The following TENM1 variants were observed in gnomAD, a reference collection of about 807,000 sequenced individuals.
The protein encoded by TENM1 is teneurin transmembrane protein 1.
A neutral mutation model predicts 174.8 loss-of-function variants in TENM1; 35 were observed. That is an observed-to-expected ratio of 0.20 (90% CI 0.15 to 0.27). The LOEUF (loss-of-function observed/expected upper bound fraction) is 0.27. Ranked by LOEUF, TENM1 falls within the 10% of genes least tolerant of loss-of-function variation. The probability of loss-of-function intolerance (pLI) is 1.00; values close to 1 mark genes in which losing one functional copy is unlikely to be tolerated. For missense variants in TENM1, 1,633 were observed against 2,130.1 expected (o/e 0.77, Z 4.59); for synonymous variants, 781 against 798.7 (o/e 0.98, Z 0.37).
the TENM1 span, among the ~76,000 whole-genome samples, chrX:125,067,893 T>C: frequency 8.9e-6 from 1 of 112,067 alleles, no homozygotes. Context: ...TAAAATTTTC[T>C]ATAAATTCCA....
At chrX:125,155,645 C>A in the TENM1 span, among the ~76,000 whole-genome samples, 1 of 100,756 alleles carries the variant, frequency 9.9e-6, no homozygotes, top group Non-Finnish European at 2.0e-5. Flanking sequence ...TAAGGCCTGG[C>A]GAGAAATCGA....
At chrX:125,187,924 T>C in the TENM1 span, among the ~76,000 whole-genome samples, 3 of 111,604 alleles carry the variant, frequency 2.7e-5, no homozygotes, top group Non-Finnish European at 5.6e-5. Flanking sequence ...GTAAATTATA[T>C]GATTTTCTTC....
chrX:125,055,093 G>A, the TENM1 span, among the ~76,000 whole-genome samples: 1 of 111,558 alleles, frequency 9.0e-6, no homozygotes, highest in Non-Finnish European at 1.9e-5. Context: ...AATACATGAT[G>A]CGATCCTCAT....
chrX:124,852,578 G>C (rs1413188712), intron 3 of TENM1, among the ~76,000 whole-genome samples: 1 of 110,561 alleles, frequency 9.0e-6, no homozygotes. Flanking sequence ...AGAAGAGAGG[G>C]TACTGAATTA....
intron 25 of TENM1, among the ~76,000 whole-genome samples, chrX:124,407,387 G>A (rs2060475467): frequency 8.9e-6 from 1 of 111,829 alleles, no homozygotes; most frequent in Non-Finnish European, 1.9e-5. Flanking sequence ...ACCCATTACT[G>A]TTTTCTTTTC....
intron 3 of TENM1, among the ~76,000 whole-genome samples, chrX:124,742,293 T>C (rs995164223): frequency 9.0e-6 from 1 of 110,986 alleles, no homozygotes; most frequent in African/African-American, 3.3e-5. Context: ...TTCCTGGTCT[T>C]AGTATGTGTT....
rs991770412 is a variant in TENM1, at chrX:124,425,926, T to C, written c.4105-3288A>G. Reference sequence around the variant, plus strand: ...AGGGATTATGGTGCCTGAACTGGGATGGCAACAATGGGTATGGAGAAAAGC... The same window carrying C: ...AGGGATTATGGTGCCTGAACTGGGACGGCAACAATGGGTATGGAGAAAAGC... On this transcript the variant is annotated intron_variant, in intron 23 of 31. Transcript: ENST00000422452. 2.7e-5 allele frequency among the ~76,000 whole-genome samples: 3 copies of C among 110,264 alleles called. No homozygotes were observed. The South Asian group carries it at 1.2e-3, about 44-fold the overall frequency.
chrX:124,590,103 T>C (rs1318813490), intron 11 of TENM1, among the ~76,000 whole-genome samples: 1 of 112,109 alleles, frequency 8.9e-6, no homozygotes, highest in Admixed American at 9.5e-5. Flanking sequence ...TTTGGGTATG[T>C]CCTGTCTCTG....
chrX:125,061,187 G>T, the TENM1 span, among the ~76,000 whole-genome samples: 25 of 111,237 alleles, frequency 2.2e-4, no homozygotes, highest in African/African-American at 7.8e-4. Context: ...GGGGACAATT[G>T]ATATTGATCT....
intron 9 of TENM1, 37 bp downstream of exon 12, chrX:124,646,672 T>C: frequency 9.9e-7 from 1 of 1,007,160 alleles, no homozygotes; most frequent in South Asian, 2.0e-5. Flanking sequence ...ATCACATCTA[T>C]TTTCCTAAAC....
intron 3 of TENM1, among the ~76,000 whole-genome samples, chrX:124,796,376 C>T (rs1453191746): frequency 8.9e-6 from 1 of 111,755 alleles, no homozygotes; most frequent in African/African-American, 3.2e-5. Flanking sequence ...CTGCTTAGAA[C>T]ACATTTTCAT....
chrX:124,909,869 T>G (rs2057808546), intron 1 of TENM1, among the ~76,000 whole-genome samples: 1 of 112,180 alleles, frequency 8.9e-6, no homozygotes, highest in African/African-American at 3.2e-5. Flanking sequence ...TGTTGGGGTA[T>G]TACTTCAGCA....
the TENM1 span, among the ~76,000 whole-genome samples, chrX:125,035,031 T>C: frequency 9.0e-6 from 1 of 111,608 alleles, no homozygotes; most frequent in Non-Finnish European, 1.9e-5. Context: ...ACAAGCACAG[T>C]GTTTGGATAT....
At chrX:125,023,037 A>G in the TENM1 span, among the ~76,000 whole-genome samples, 1 of 111,294 alleles carries the variant, frequency 9.0e-6, no homozygotes, top group Non-Finnish European at 1.9e-5. Context: ...GGAGTACACC[A>G]TTTGGCTAAG....
At chrX:125,196,995 T>C in the TENM1 span, among the ~76,000 whole-genome samples, 5 of 111,483 alleles carry the variant, frequency 4.5e-5, no homozygotes, top group Non-Finnish European at 9.4e-5. Context: ...ATCTGGCACC[T>C]TCTCTTTGAC....
intron 20 of TENM1, among the ~76,000 whole-genome samples, chrX:124,493,916 C>T (rs1569534559): frequency 1.8e-5 from 2 of 111,690 alleles, no homozygotes; most frequent in Non-Finnish European, 3.8e-5. Flanking sequence ...AAGGATTTAA[C>T]AGCTTTCTTC....
intron 3 of TENM1, among the ~76,000 whole-genome samples, chrX:124,771,375 T>C (rs1161114458): frequency 8.9e-6 from 1 of 112,684 alleles, no homozygotes; most frequent in African/African-American, 3.2e-5. Context: ...CCTATGCTGC[T>C]ATAGTATAGT....
chrX:124,912,035 T>G (rs753680728), intron 1 of TENM1, among the ~76,000 whole-genome samples: 1 of 112,102 alleles, frequency 8.9e-6, no homozygotes, highest in African/African-American at 3.2e-5. Context: ...CCTGCCGTCA[T>G]GGAACTCATA....
chrX:124,871,543 G>C (rs1265062953), intron 3 of TENM1, among the ~76,000 whole-genome samples: 1 of 111,930 alleles, frequency 8.9e-6, no homozygotes, highest in Non-Finnish European at 1.9e-5. Flanking sequence ...TTTTGGGCAA[G>C]TTGAGTTTAA....
Sources: gnomAD v4.1 joint callset for allele counts (sites outside exome capture counted in the v4.1 genomes callset) on GRCh38, gnomAD v4.1.1 for gene constraint, MANE v1.5 for transcripts, NCBI Gene and HGNC (gene_info 2026-07-23, HGNC 2026-07-21) for gene names.